The following AOPEP variants were observed in gnomAD, a reference collection of about 807,000 sequenced individuals.
The protein encoded by AOPEP is aminopeptidase O (putative).
A neutral mutation model predicts 98.1 loss-of-function variants in AOPEP; 77 were observed. That is an observed-to-expected ratio of 0.78 (90% confidence interval 0.65 to 0.95). The LOEUF is 0.95. AOPEP is among the 40% of genes least tolerant of loss of function. The probability of loss-of-function intolerance (pLI) is 0.00; values close to 1 mark genes in which losing one functional copy is unlikely to be tolerated. For missense variants in AOPEP, 1,024 were observed against 1,024.7 expected, an observed-to-expected ratio of 1.00 and a Z score of 0.01; for synonymous variants, 346 against 365.3, an observed-to-expected ratio of 0.95 and a Z score of 0.60.
intron 3 of AOPEP, among the ~76,000 whole-genome samples, chr9:94,773,667 A>G (rs1011821370): frequency 6.6e-6 from 1 of 152,242 alleles, no homozygotes; most frequent in Non-Finnish European, 1.5e-5. Flanking sequence ...GAAAGATGGA[A>G]GGCAGTGCTA....
At chr9:94,979,312 A>C (rs1214574503) in intron 10 of AOPEP, 55 bp from the exon 11 acceptor site, 1 of 1,179,714 alleles carries the variant, frequency 8.5e-7, no homozygotes, top group Admixed American at 1.9e-5. Flanking sequence ...CAGTCTGTGT[A>C]ATAAGCGCTC....
At chr9:94,922,040 G>T (rs1034461547) in intron 5 of AOPEP, among the ~76,000 whole-genome samples, 3 of 152,132 alleles carry the variant, frequency 2.0e-5, no homozygotes, top group Non-Finnish European at 4.4e-5. Context: ...AACATTGAAG[G>T]GTGGGGAGGG....
At chr9:94,887,570 C>T (rs567747163) in intron 5 of AOPEP, among the ~76,000 whole-genome samples, 1 of 152,152 alleles carries the variant, frequency 6.6e-6, no homozygotes, top group South Asian at 2.1e-4. Context: ...AGTGAAATGA[C>T]ATAAACTCTA....
At chr9:94,839,808 G>A (rs755191024) in intron 5 of AOPEP, among the ~76,000 whole-genome samples, 7 of 151,558 alleles carry the variant, frequency 4.6e-5, no homozygotes, top group African/African-American at 1.5e-4. Flanking sequence ...TCACTCTGTC[G>A]CTCAGGCTGG....
chr9:95,045,552 T>TCTCCA (rs2065784574), intron 13 of AOPEP, among the ~76,000 whole-genome samples: 1 of 152,246 alleles, frequency 6.6e-6, no homozygotes, highest in Admixed American at 6.5e-5. Flanking sequence ...TGCTGGTGGC[T>TCTCCA]GGGTCCTCTC....
intron 13 of AOPEP, among the ~76,000 whole-genome samples, chr9:95,047,576 T>C (rs2065961737): frequency 6.6e-6 from 1 of 152,236 alleles, no homozygotes; most frequent in African/African-American, 2.4e-5. Flanking sequence ...GTTCCCTTCC[T>C]GAGGTGGGTC....
chr9:95,009,497 C>T (rs965011254), intron 13 of AOPEP, among the ~76,000 whole-genome samples: 5 of 152,148 alleles, frequency 3.3e-5, no homozygotes, highest in African/African-American at 1.2e-4. Context: ...ACTAGTTTTA[C>T]AGTGCTCATT....
At chr9:95,111,081 C>A in the AOPEP span, 8 of 1,512,234 alleles carry the variant, frequency 5.3e-6, no homozygotes, top group Non-Finnish European at 7.1e-6. Flanking sequence ...CGAGACAGGG[C>A]CCTGGCTGTG....
chr9:94,763,523 T>C (rs1838854630), intron 2 of AOPEP: 1 of 154,106 alleles, frequency 6.5e-6, no homozygotes, highest in African/African-American at 2.4e-5. Context: ...CACTGTATCT[T>C]GGCTTGTCAG....
chr9:94,766,160 A>G (rs1654300506), intron 2 of AOPEP, among the ~76,000 whole-genome samples: 1 of 152,152 alleles, frequency 6.6e-6, no homozygotes, highest in South Asian at 2.1e-4. Flanking sequence ...TAAAATGGAA[A>G]CCTTTATTCA....
At chr9:95,051,991 C>G (rs2066418127) in intron 13 of AOPEP, among the ~76,000 whole-genome samples, 1 of 152,198 alleles carries the variant, frequency 6.6e-6, no homozygotes, top group South Asian at 2.1e-4. Context: ...GCGTGAGCCA[C>G]CGTGCCTGGC....
intron 5 of AOPEP, among the ~76,000 whole-genome samples, chr9:94,823,395 G>A (rs564229021): frequency 2.8e-4 from 42 of 152,326 alleles, no homozygotes; most frequent in Middle Eastern, 3.4e-3. Context: ...CACATGGTTA[G>A]TCATGCCTTC....
chr9:94,836,494 T>A (rs1027811947), intron 5 of AOPEP, among the ~76,000 whole-genome samples: 1 of 152,214 alleles, frequency 6.6e-6, no homozygotes, highest in Non-Finnish European at 1.5e-5. Context: ...TTCATATGCT[T>A]ACTTTCTTTG....
chr9:95,105,189 A>C, the AOPEP span, among the ~76,000 whole-genome samples: 1 of 151,944 alleles, frequency 6.6e-6, no homozygotes, highest in Admixed American at 6.5e-5. Context: ...GCCTGGGCCC[A>C]CTCCACAGGA....
At chr9:95,118,520 G>T in the AOPEP span, among the ~76,000 whole-genome samples, 16 of 152,208 alleles carry the variant, frequency 1.1e-4, no homozygotes, top group Non-Finnish European at 1.8e-4. Context: ...CCACCCCAGT[G>T]AAGACACATT....
intron 5 of AOPEP, among the ~76,000 whole-genome samples, chr9:94,898,801 G>A (rs1242764396): frequency 1.3e-5 from 2 of 151,540 alleles, no homozygotes; most frequent in African/African-American, 4.9e-5. Context: ...AAATTAGCAG[G>A]GCGTGGTGGC....
downstream of AOPEP, among the ~76,000 whole-genome samples, chr9:95,088,988 C>T (rs2070828106): frequency 1.3e-5 from 2 of 152,222 alleles, no homozygotes; most frequent in African/African-American, 4.8e-5. Flanking sequence ...CTGGGGCTGC[C>T]CCTGGAGGTG....
intron 16 of AOPEP, among the ~76,000 whole-genome samples, chr9:95,083,187 A>G (rs950049903): frequency 1.3e-5 from 2 of 152,128 alleles, no homozygotes; most frequent in South Asian, 4.1e-4. Flanking sequence ...CCATGTGTGA[A>G]TTGGAGGTTC....
intron 7 of AOPEP, among the ~76,000 whole-genome samples, chr9:94,948,218 G>GTGT (rs752941197): frequency 7.2e-5 from 11 of 151,898 alleles, no homozygotes; most frequent in Non-Finnish European, 1.5e-4. Flanking sequence ...CATTCCTTAG[G>GTGT]CACAGACCTA....
Sources: gnomAD v4.1 joint callset for allele counts (sites outside exome capture counted in the v4.1 genomes callset) on GRCh38, gnomAD v4.1.1 for gene constraint, MANE v1.5 for transcripts, NCBI Gene and HGNC (gene_info 2026-07-23, HGNC 2026-07-21) for gene names.